Variants in SHOX2 observed in about 807,000 individuals in gnomAD.
SHOX2 encodes short stature homeobox protein 2.
SHOX2 carries 13 observed loss-of-function variants against 31.3 expected under a neutral mutation model. That is an observed-to-expected ratio of 0.42 (90% CI 0.27 to 0.66). The LOEUF is 0.66. Among genes scored for constraint, SHOX2 ranks in the 30% least tolerant of loss-of-function variants. The pLI is 0.27. For missense variants in SHOX2, 473 were observed against 443.0 expected (o/e 1.07, Z -0.61); for synonymous variants, 244 against 196.2 (o/e 1.24, Z -2.04).
chr3:158,100,648 T>C (rs1713439723), intron 2 of SHOX2, among the ~76,000 whole-genome samples: 1 of 152,206 alleles, frequency 6.6e-6, no homozygotes, highest in African/African-American at 2.4e-5. Context: ...AGTTAAGACC[T>C]GAGAAGAATG....
intron 1 of SHOX2, 22 bp from the exon 2 acceptor site, chr3:158,102,908 G>A: frequency 1.2e-6 from 2 of 1,607,240 alleles, no homozygotes; most frequent in Non-Finnish European, 1.7e-6. Context: ...ACCCCAGCGG[G>A]GCCACACGTG....
Position 158,097,939 on chromosome 3 carries a change from C to T in SHOX2, c.*88G>A, listed in dbSNP as rs2108119916. 1 of 1,498,388 alleles carries T rather than the reference C, an allele frequency of 6.7e-7. No homozygotes were observed. Among genetic ancestry groups the T allele is most frequent in the South Asian group, 1.3e-5 (1 of 75,914 alleles). 92.8% of individuals were successfully genotyped at this position (1,498,388 alleles called of 1,614,324 possible). On this transcript the variant is annotated 3_prime_UTR_variant, in exon 5 of 5. Coordinates refer to ENST00000483851, the MANE Select transcript of SHOX2 (RefSeq NM_001163678.2). Reference sequence around the variant, plus strand: ...GGAAGAGGGCCGGCTCCCGAGGTCTCAAAGGGGTAACGGAGAAGCAGCGGG... The same window carrying T: ...GGAAGAGGGCCGGCTCCCGAGGTCTTAAAGGGGTAACGGAGAAGCAGCGGG...
rs894925750 is a variant in SHOX2 at position 158,099,940 on chromosome 3, T to G, written c.622A>C (p.Ile208Leu). ...GCTTCAAACTGGCTGGCGGCCCCTA[T>G]GAGAACACCTGTAAAAAGTACAAGA... ...QENQLHKGVL[I>L]GAASQFEACR... is the part of the protein sequence containing the mutation. The change falls in exon 4 of 5, where the codon ATA becomes CTA. Residue 208 changes from isoleucine to leucine, a missense_variant. Ile to Leu is a conservative substitution (Grantham distance 5, BLOSUM62 2). Around this residue, in one of 3 missense-constraint regions of SHOX2, gnomAD observed 182 missense variants for 167.2 expected, o/e 1.09. Coordinates refer to ENST00000483851, the MANE Select transcript of SHOX2 (RefSeq NM_001163678.2). 5.0e-6 allele frequency: 8 copies of G among 1,613,752 alleles called. No homozygotes were observed. The African/African-American group carries it at 9.3e-5, about 19-fold the overall frequency.
intron 4 of SHOX2, among the ~76,000 whole-genome samples, chr3:158,099,599 C>CT (rs1003738018): frequency 1.3e-5 from 2 of 152,202 alleles, no homozygotes; most frequent in African/African-American, 4.8e-5. Context: ...TAAGGGCAAT[C>CT]TTTAGTGTAT....
At chr3:158,102,981 G>A in intron 1 of SHOX2, 95 bp from the exon 2 acceptor site, 3 of 1,182,474 alleles carry the variant, frequency 2.5e-6, no homozygotes, top group Admixed American at 1.7e-5. Flanking sequence ...AGCAAATCCT[G>A]TTACCAGATT....
chr3:158,104,182 A>G (rs1713699661), intron 1 of SHOX2: 2 of 152,240 alleles, frequency 1.3e-5, no homozygotes, highest in Admixed American at 1.3e-4. Context: ...TTGGAAATCA[A>G]CAATCCCAGG....
At position 158,105,689 on chromosome 3, in the gene SHOX2, T is replaced by C. The variant is rs1713857478; in HGVS notation, c.336A>G (p.Arg112=). ...AERSREPGSP[R]LTEVSPELKD... The stretch of plus-strand genomic sequence containing the variant: ...CAGTCAGGTCGTTACCCTCCGTCAG[T>C]CGCGGGCTGCCCGGCTCCCTGCTTC... The change falls in exon 1 of 5, where the codon CGA becomes CGG. Residue 112 remains arginine, a synonymous_variant. Coordinates refer to ENST00000483851, the MANE Select transcript of SHOX2 (RefSeq NM_001163678.2). 3 of 1,518,536 alleles carry C rather than the reference T, an allele frequency of 2.0e-6. No individual in the cohort carries two copies. The highest frequency in any genetic ancestry group is 1.4e-5 in the African/African-American group (1 of 69,248). 94.1% of individuals were successfully genotyped at this position (1,518,536 alleles called of 1,614,324 possible). A position where few individuals can be genotyped will look rare whatever the true frequency, so the allele number is the denominator to read the frequency against.
intron 4 of SHOX2, among the ~76,000 whole-genome samples, chr3:158,099,047 C>T (rs1469972214): frequency 2.0e-5 from 3 of 152,164 alleles, no homozygotes; most frequent in Admixed American, 2.0e-4. Flanking sequence ...TCCCTAACAC[C>T]GACTCTCAAT....
At position 158,096,964 on chromosome 3, in the gene SHOX2, A is replaced by T. The variant is rs546468827; in HGVS notation, c.*1063T>A. 1 of 137,430 alleles carries T rather than the reference A, an allele frequency of 7.3e-6. No homozygotes were observed. Among genetic ancestry groups the T allele is most frequent in the Non-Finnish European group, 1.5e-5 (1 of 64,592 alleles). 8.5% of individuals were successfully genotyped at this position (137,430 alleles called of 1,614,324 possible). ...ATATGATATATATATATGGATATAT[A>T]TATATCAATTTCCAGATACTTTTGG... On this transcript the variant is annotated 3_prime_UTR_variant, in exon 5 of 5. Coordinates refer to ENST00000483851, the MANE Select transcript of SHOX2 (RefSeq NM_001163678.2).
chr3:158,099,901 G>A lies in SHOX2; in HGVS notation c.661C>T (p.Pro221Ser). Residue 221 changes from proline (P) to serine (S), a missense_variant, in exon 4 of 5, where the codon CCT (proline) becomes TCT (serine). By Grantham distance (74) the Pro-to-Ser change is moderately conservative. Around this residue, in one of 3 missense-constraint regions of SHOX2, gnomAD observed 182 missense variants for 167.2 expected, o/e 1.09. Coordinates refer to ENST00000483851, the MANE Select transcript of SHOX2 (RefSeq NM_001163678.2). Reference sequence around the variant, plus strand: ...CTTAAAGCACCTACGTTGACATAAGGTGCGACTCTACAAGCTTCAAACTGG... The same window carrying A: ...CTTAAAGCACCTACGTTGACATAAGATGCGACTCTACAAGCTTCAAACTGG... ...ASQFEACRVA[P>S]YVNVGALRMP... 6.2e-7 allele frequency: 1 copy of A among 1,614,138 alleles called. No homozygotes were observed. The highest frequency in any genetic ancestry group is 8.5e-7 in the Non-Finnish European group (1 of 1,180,018).
intron 1 of SHOX2, among the ~76,000 whole-genome samples, 166 bp downstream of exon 1, chr3:158,105,513 A>C (rs1488077150): frequency 8.1e-6 from 1 of 122,852 alleles, no homozygotes. Context: ...CGAGCATACC[A>C]CCGGACCCCC....
rs1553753363 is a variant in SHOX2 at position 158,096,924 on chromosome 3, A to ATATATCTATATC, written c.*1102_*1103insGATATAGATATA. ...TATATATATATATATATATATATAT[A>ATATATCTATATC]TATATATGGCAAATATATGATATAT... is the stretch of plus-strand genomic sequence containing the variant. On this transcript the variant is annotated 3_prime_UTR_variant, in exon 5 of 5. Transcript: ENST00000483851. 1.6e-5 allele frequency: 2 copies of ATATATCTATATC among 126,244 alleles called. No homozygotes were observed. The highest frequency in any genetic ancestry group is 5.0e-4 in the East Asian group (2 of 3,986). 7.8% of individuals were successfully genotyped at this position (126,244 alleles called of 1,614,324 possible). A position where few individuals can be genotyped will look rare whatever the true frequency, so the allele number is the denominator to read the frequency against.
chr3:158,101,112 G>A lies in SHOX2; in HGVS notation c.556-801C>T, dbSNP rs1262673679. Among the ~76,000 whole-genome samples the A allele has an allele frequency of 1.3e-5, 2 of 152,188 alleles. 1 individual carries two copies. Among genetic ancestry groups the A allele is most frequent in the African/African-American group, 4.8e-5 (2 of 41,438 alleles). On this transcript the variant is annotated intron_variant, in intron 2 of 4. Coordinates refer to ENST00000483851, the MANE Select transcript of SHOX2 (RefSeq NM_001163678.2). ...TTAAACTTGACAACTTTTACAGGCA[G>A]TATGACAGATTTTTTAAAATTCAAA...
chr3:158,098,153 G>C lies in SHOX2; in HGVS notation c.834C>G (p.Ala278=). ...CCGAGGCGGCGGAAGCCGAATCCGC[G>C]GCCAGCGTGGCGAGCGGCAGTCCGA... ...PPFGLPLATL[A]ADSASAASVV... Residue 278 remains alanine, a synonymous_variant, in exon 5 of 5, where the codon GCC becomes GCG. Coordinates refer to ENST00000483851, the MANE Select transcript of SHOX2 (RefSeq NM_001163678.2). 2.5e-6 allele frequency: 4 copies of C among 1,613,410 alleles called. No homozygotes were observed. Among genetic ancestry groups the C allele is most frequent in the Non-Finnish European group, 3.4e-6 (4 of 1,179,650 alleles).
chr3:158,106,297 A>C lies in SHOX2; in HGVS notation c.-273T>G. On this transcript the variant is annotated 5_prime_UTR_variant, in exon 1 of 5. Transcript: ENST00000483851. ...GGTGAAGAGGAGAGGGAGGAGGAGG[A>C]GGAGAAGAGAAGGGGCGGGGGCTGC... 1 of 436,496 alleles carries C rather than the reference A, an allele frequency of 2.3e-6. No homozygotes were observed. The highest frequency in any genetic ancestry group is 4.0e-6 in the Non-Finnish European group (1 of 248,050). 27.0% of individuals were successfully genotyped at this position (436,496 alleles called of 1,614,324 possible).
At chr3:158,103,353 C>CGTGTG (rs1713637061) in intron 1 of SHOX2, 1 of 226,102 alleles carries the variant, frequency 4.4e-6, no homozygotes, top group Non-Finnish European at 8.9e-6. Context: ...CGGCCATTCC[C>CGTGTG]AGAAGGCTGG....
chr3:158,098,597 G>T (rs1027746683), intron 4 of SHOX2, among the ~76,000 whole-genome samples: 3 of 152,190 alleles, frequency 2.0e-5, no homozygotes, highest in Non-Finnish European at 4.4e-5. Flanking sequence ...GGCTGAAATG[G>T]TATATTGGAA....
chr3:158,105,504 G>T (rs1159121049), intron 1 of SHOX2, among the ~76,000 whole-genome samples, 175 bp downstream of exon 1: 1 of 125,050 alleles, frequency 8.0e-6, no homozygotes, highest in Non-Finnish European at 1.7e-5. Flanking sequence ...ACCCATGACC[G>T]AGCATACCAC....
At chr3:158,099,431 T>C (rs1041125452) in intron 4 of SHOX2, among the ~76,000 whole-genome samples, 1 of 152,206 alleles carries the variant, frequency 6.6e-6, no homozygotes, top group Non-Finnish European at 1.5e-5. Flanking sequence ...TGGGAGTACT[T>C]GTGTTTATTT....
Sources: allele counts gnomAD v4.1 joint callset (sites outside exome capture counted in the v4.1 genomes callset), GRCh38; gene constraint gnomAD v4.1.1; regional missense constraint gnomAD v4.1.1; transcripts MANE v1.5; gene names NCBI Gene and HGNC (gene_info 2026-07-23, HGNC 2026-07-21).